The following DLGAP2 variants were observed in gnomAD, a reference collection of about 807,000 sequenced individuals.
DLGAP2 encodes the protein disks large-associated protein 2.
Under a neutral mutation model 100.3 loss-of-function variants are expected in DLGAP2, and 26 were observed. That is an observed-to-expected ratio of 0.26 (90% confidence interval 0.19 to 0.36). The LOEUF is 0.36. DLGAP2 is among the 10% of genes least tolerant of loss of function. DLGAP2 has a pLI of 1.00. For missense variants in DLGAP2, 1,858 were observed against 1,453.2 expected (o/e 1.28, Z -4.53); for synonymous variants, 886 against 630.1 (o/e 1.41, Z -6.08).
intron 2 of DLGAP2, among the ~76,000 whole-genome samples, chr8:1,107,785 G>A (rs529964476): frequency 6.6e-6 from 1 of 152,224 alleles, no homozygotes; most frequent in South Asian, 2.1e-4. Flanking sequence ...TGTGAGTTAC[G>A]GCCCATCCTA....
chr8:1,645,184 T>A (rs1322857466), intron 8 of DLGAP2, among the ~76,000 whole-genome samples: 1 of 152,252 alleles, frequency 6.6e-6, no homozygotes, highest in Non-Finnish European at 1.5e-5. Context: ...AGACCACCTT[T>A]GACTTAAAGA....
At chr8:940,262 T>C (rs1799164037) in intron 2 of DLGAP2, among the ~76,000 whole-genome samples, 1 of 151,952 alleles carries the variant, frequency 6.6e-6, no homozygotes, top group Non-Finnish European at 1.5e-5. Flanking sequence ...CATTCTGAGC[T>C]GGTCAGGTGG....
intron 2 of DLGAP2, among the ~76,000 whole-genome samples, chr8:1,195,205 C>T (rs540396847): frequency 6.6e-6 from 1 of 152,300 alleles, no homozygotes; most frequent in Admixed American, 6.5e-5. Context: ...CCATGGTCAT[C>T]CCAGCTGGGA....
At chr8:1,139,706 C>T (rs552640063) in intron 2 of DLGAP2, among the ~76,000 whole-genome samples, 17 of 152,268 alleles carry the variant, frequency 1.1e-4, no homozygotes, top group South Asian at 1.0e-3. Context: ...CTGTGGCACC[C>T]GACAGGCCCC....
At chr8:1,235,557 G>T (rs1798633886) in intron 2 of DLGAP2, among the ~76,000 whole-genome samples, 1 of 135,056 alleles carries the variant, frequency 7.4e-6, no homozygotes, top group African/African-American at 3.1e-5. Context: ...ATGGCGCCAT[G>T]TCTAGTTCTC....
At chr8:1,177,704 G>A (rs1179929697) in intron 2 of DLGAP2, among the ~76,000 whole-genome samples, 1 of 152,180 alleles carries the variant, frequency 6.6e-6, no homozygotes, top group Non-Finnish European at 1.5e-5. Context: ...TCTAGAGGCT[G>A]GAAGTCTGAG....
chr8:1,616,521 G>A (rs568764132), intron 6 of DLGAP2, among the ~76,000 whole-genome samples: 22 of 152,230 alleles, frequency 1.4e-4, no homozygotes, highest in African/African-American at 5.3e-4. Context: ...GAAACCAGAG[G>A]AATAATTAGA....
chr8:939,329 G>T (rs201761490), intron 2 of DLGAP2, among the ~76,000 whole-genome samples: 199 of 6,404 alleles, frequency 0.031, 10 homozygotes, highest in East Asian at 0.052. Flanking sequence ...CTGGGAGTGG[G>T]AGGTGCAGAC....
At chr8:1,317,747 G>A (rs1232330881) in intron 3 of DLGAP2, among the ~76,000 whole-genome samples, 1 of 99,886 alleles carries the variant, frequency 1.0e-5, no homozygotes, top group Non-Finnish European at 2.0e-5. Context: ...GTGTGTGAGT[G>A]CAGCGTCTCT....
intron 1 of DLGAP2, among the ~76,000 whole-genome samples, chr8:901,419 TAA>T (rs1798249347): frequency 6.6e-6 from 1 of 152,242 alleles, no homozygotes; most frequent in African/African-American, 2.4e-5. Flanking sequence ...TGATAAAAAG[TAA>T]AGTGTTTATC....
chr8:1,661,962 G>T (rs1484350951), intron 8 of DLGAP2, among the ~76,000 whole-genome samples: 1 of 152,212 alleles, frequency 6.6e-6, no homozygotes, highest in South Asian at 2.1e-4. Flanking sequence ...CAAGACCACA[G>T]GGGAAGAACA....
chr8:829,415 C>G (rs1393102945), intron 1 of DLGAP2, among the ~76,000 whole-genome samples: 1 of 152,152 alleles, frequency 6.6e-6, no homozygotes, highest in Non-Finnish European at 1.5e-5. Context: ...GTCTTATTAC[C>G]AGGCCTTCTG....
chr8:759,090 C>CCG (rs1563415503), intron 1 of DLGAP2, among the ~76,000 whole-genome samples: 1 of 80,990 alleles, frequency 1.2e-5, no homozygotes, highest in African/African-American at 3.9e-5. Context: ...CACAGCCTTC[C>CCG]TGTTATCAAT....
At position 1,576,526 on chromosome 8, in the gene DLGAP2, C is replaced by G. The variant is rs550855180; in HGVS notation, c.1442+10632C>G. On this transcript the variant is annotated intron_variant, in intron 6 of 14. Coordinates refer to ENST00000637795, the MANE Select transcript of DLGAP2 (RefSeq NM_001346810.2). ...TGTTGCCATTGCTTTTGGTGTTCTA[C>G]ACATGAAGTCCTTGCCCATGCGTAT... Among the ~76,000 whole-genome samples, 507 of 152,248 alleles carry G rather than the reference C, an allele frequency of 3.3e-3. 1 individual carries two copies. The highest frequency in any genetic ancestry group is 8.1e-3 in the Admixed American group (124 of 15,286).
At chr8:826,907 T>C (rs1207073508) in intron 1 of DLGAP2, among the ~76,000 whole-genome samples, 2 of 152,224 alleles carry the variant, frequency 1.3e-5, no homozygotes, top group Non-Finnish European at 2.9e-5. Flanking sequence ...TGAATGTTTT[T>C]GTAGAAACAT....
chr8:1,596,227 A>G (rs1191651802), intron 6 of DLGAP2, among the ~76,000 whole-genome samples: 1 of 152,170 alleles, frequency 6.6e-6, no homozygotes, highest in African/African-American at 2.4e-5. Flanking sequence ...GCTGCATAGT[A>G]TTCCATGGTG....
chr8:1,292,948 C>G (rs910052483), intron 3 of DLGAP2, among the ~76,000 whole-genome samples: 1 of 152,126 alleles, frequency 6.6e-6, no homozygotes, highest in African/African-American at 2.4e-5. Context: ...GCATTAGGAC[C>G]CTGGGCGTGT....
chr8:1,510,388 C>G (rs962683485), intron 4 of DLGAP2, among the ~76,000 whole-genome samples: 1 of 152,156 alleles, frequency 6.6e-6, no homozygotes, highest in Non-Finnish European at 1.5e-5. Flanking sequence ...CAGTGCGTGA[C>G]GAACGTATTG....
intron 1 of DLGAP2, among the ~76,000 whole-genome samples, chr8:820,964 G>A (rs923176447): frequency 6.6e-6 from 1 of 152,170 alleles, no homozygotes; most frequent in African/African-American, 2.4e-5. Flanking sequence ...TAGAACGGTG[G>A]AGAGTTGAAC....
Sources: gnomAD v4.1 joint callset for allele counts (sites outside exome capture counted in the v4.1 genomes callset) on GRCh38, gnomAD v4.1.1 for gene constraint, MANE v1.5 for transcripts, NCBI Gene and HGNC (gene_info 2026-07-23, HGNC 2026-07-21) for gene names.